RORA: variants seen among roughly 807,000 people sequenced by gnomAD.
RORA encodes the protein nuclear receptor ROR-alpha.
A neutral mutation model predicts 69.5 loss-of-function variants in RORA; 7 were observed. The ratio of observed to expected loss-of-function variants is 0.10; its 90% confidence interval spans 0.06 to 0.19. The LOEUF (loss-of-function observed/expected upper bound fraction) is 0.19, where lower values mean the gene tolerates loss of function less well. Ranked by LOEUF, RORA falls within the 10% of genes least tolerant of loss-of-function variation. The pLI, the probability that RORA is intolerant of heterozygous loss-of-function variation, is 1.00. For missense variants in RORA, 457 were observed against 663.0 expected (o/e 0.69, Z 3.41); for synonymous variants, 261 against 240.8 (o/e 1.08, Z -0.78).
intron 2 of RORA, among the ~76,000 whole-genome samples, chr15:60,643,866 G>A (rs1164704121): frequency 6.6e-6 from 1 of 152,122 alleles, no homozygotes; most frequent in Non-Finnish European, 1.5e-5. Flanking sequence ...TCTAGAATGG[G>A]AAAAAATAAA....
At chr15:60,881,323 G>A (rs2073677828) in intron 1 of RORA, among the ~76,000 whole-genome samples, 1 of 152,190 alleles carries the variant, frequency 6.6e-6, no homozygotes, top group Non-Finnish European at 1.5e-5. Context: ...CCCTCATCAG[G>A]CCAGGAGGCC....
At chr15:61,117,037 C>T (rs2079057082) in intron 1 of RORA, among the ~76,000 whole-genome samples, 1 of 152,132 alleles carries the variant, frequency 6.6e-6, no homozygotes, top group African/African-American at 2.4e-5. Context: ...AAGACAAACA[C>T]ACACCTTTCA....
chr15:60,817,316 C>T (rs1426224316), intron 1 of RORA, among the ~76,000 whole-genome samples: 1 of 152,120 alleles, frequency 6.6e-6, no homozygotes, highest in East Asian at 1.9e-4. Flanking sequence ...TGTGCAATAG[C>T]ATTATGTCTA....
chr15:61,214,689 C>T (rs2080022388), intron 1 of RORA, among the ~76,000 whole-genome samples: 1 of 152,100 alleles, frequency 6.6e-6, no homozygotes, highest in Non-Finnish European at 1.5e-5. Flanking sequence ...TTGGAGGCAG[C>T]AATCCAGACT....
intron 1 of RORA, among the ~76,000 whole-genome samples, chr15:60,702,897 A>G (rs2071004359): frequency 6.6e-6 from 1 of 152,150 alleles, no homozygotes; most frequent in Non-Finnish European, 1.5e-5. Context: ...TTTTCATTCA[A>G]AATATCTGTG....
chr15:60,831,648 G>A (rs1461665019), intron 1 of RORA, among the ~76,000 whole-genome samples: 1 of 152,152 alleles, frequency 6.6e-6, no homozygotes, highest in Non-Finnish European at 1.5e-5. Context: ...AGTTGAGGGA[G>A]AGAGACACCA....
At chr15:60,547,232 C>T (rs1047678009) in intron 2 of RORA, among the ~76,000 whole-genome samples, 2 of 152,050 alleles carry the variant, frequency 1.3e-5, no homozygotes, top group Non-Finnish European at 2.9e-5. Flanking sequence ...CTTATGTTGT[C>T]ATTGCCCCAA....
At chr15:61,072,451 T>G (rs1168321394) in intron 1 of RORA, among the ~76,000 whole-genome samples, 1 of 152,196 alleles carries the variant, frequency 6.6e-6, no homozygotes, top group South Asian at 2.1e-4. Context: ...ATCACTAGAG[T>G]GCAGAAGTTA....
At chr15:61,174,759 G>C (rs942982080) in intron 1 of RORA, among the ~76,000 whole-genome samples, 1 of 152,174 alleles carries the variant, frequency 6.6e-6, no homozygotes, top group African/African-American at 2.4e-5. Context: ...CGTAGGGAAA[G>C]AGAATTTTAC....
At chr15:60,749,828 G>T (rs1415152815) in intron 1 of RORA, among the ~76,000 whole-genome samples, 1 of 152,174 alleles carries the variant, frequency 6.6e-6, no homozygotes, top group Non-Finnish European at 1.5e-5. Flanking sequence ...AGGAGTTCAA[G>T]ATCAGCCTGG....
intron 1 of RORA, among the ~76,000 whole-genome samples, chr15:60,971,019 T>TG (rs1175054133): frequency 7.9e-5 from 12 of 152,172 alleles, no homozygotes; most frequent in African/African-American, 2.9e-4. Flanking sequence ...ATACTTCCTT[T>TG]GGGGGCATAA....
At chr15:61,057,915 A>C (rs570358258) in intron 1 of RORA, among the ~76,000 whole-genome samples, 1 of 152,328 alleles carries the variant, frequency 6.6e-6, no homozygotes, top group African/African-American at 2.4e-5. Flanking sequence ...AAGGACAGGC[A>C]TTTAGACCTG....
rs969121984 is a variant in RORA at position 60,488,595 on chromosome 15, A to G, written c.*8860T>C. 6.6e-6 allele frequency: 1 copy of G among 152,240 alleles called. No homozygotes were observed. The highest frequency in any genetic ancestry group is 1.5e-5 in the Non-Finnish European group (1 of 68,036). 9.4% of individuals were successfully genotyped at this position (152,240 alleles called of 1,614,324 possible). ...TGAATTGAAAAGAAAACCCAAGGTA[A>G]GTGAAAAGTTGGACGATCCTCTAAT... On this transcript the variant is annotated 3_prime_UTR_variant, in exon 11 of 11. Transcript: ENST00000335670.
intron 1 of RORA, among the ~76,000 whole-genome samples, chr15:60,968,463 T>C (rs759566052): frequency 6.6e-6 from 1 of 152,166 alleles, no homozygotes; most frequent in Non-Finnish European, 1.5e-5. Context: ...TTGGGGACCA[T>C]ACTTTGAAAA....
chr15:61,072,245 C>A (rs905100136), intron 1 of RORA, among the ~76,000 whole-genome samples: 6 of 151,702 alleles, frequency 4.0e-5, no homozygotes, highest in African/African-American at 1.5e-4. Flanking sequence ...TATGAGAAGA[C>A]ATCATTACCT....
At chr15:60,823,282 T>C (rs778576664) in intron 1 of RORA, among the ~76,000 whole-genome samples, 8 of 152,176 alleles carry the variant, frequency 5.3e-5, no homozygotes, top group Non-Finnish European at 1.0e-4. Flanking sequence ...CTCAAACTCC[T>C]GGGCTCAGGC....
At chr15:60,936,212 A>G (rs1177659968) in intron 1 of RORA, among the ~76,000 whole-genome samples, 3 of 152,204 alleles carry the variant, frequency 2.0e-5, no homozygotes, top group Non-Finnish European at 4.4e-5. Flanking sequence ...CCTTCTTAGT[A>G]AAAGGAAGAC....
At chr15:60,681,468 T>C (rs934844699) in intron 1 of RORA, 3 of 152,236 alleles carry the variant, frequency 2.0e-5, no homozygotes, top group Non-Finnish European at 2.9e-5. Flanking sequence ...GTGAAAGATG[T>C]ACTCAGATGC....
chr15:61,005,942 A>T (rs1894897335), intron 1 of RORA, among the ~76,000 whole-genome samples: 1 of 150,666 alleles, frequency 6.6e-6, no homozygotes, highest in Non-Finnish European at 1.5e-5. Flanking sequence ...CCATATATAT[A>T]TATTTTTTGT....
Sources: allele counts gnomAD v4.1 joint callset (sites outside exome capture counted in the v4.1 genomes callset), GRCh38; gene constraint gnomAD v4.1.1; transcripts MANE v1.5; gene names NCBI Gene and HGNC (gene_info 2026-07-23, HGNC 2026-07-21).